The following PEPD variants were observed in gnomAD, a reference collection of about 807,000 sequenced individuals.
PEPD encodes xaa-Pro dipeptidase.
Under a neutral mutation model 60.7 loss-of-function variants are expected in PEPD, and 53 were observed. The ratio of observed to expected loss-of-function variants is 0.87; its 90% CI spans 0.70 to 1.10. The LOEUF is 1.10. Among genes scored for constraint, PEPD ranks in the 50% least tolerant of loss-of-function variants. The probability of loss-of-function intolerance (pLI) is 0.00; values close to 1 mark genes in which losing one functional copy is unlikely to be tolerated. For missense variants in PEPD, 711 were observed against 711.9 expected, an observed-to-expected ratio of 1.00 and a Z score of 0.01; for synonymous variants, 267 against 284.1, an observed-to-expected ratio of 0.94 and a Z score of 0.60.
At chr19:33,485,715 C>T (rs545242171) in intron 6 of PEPD, among the ~76,000 whole-genome samples, 13 of 152,236 alleles carry the variant, frequency 8.5e-5, no homozygotes, top group Admixed American at 6.5e-4. Flanking sequence ...TAACTGCTTG[C>T]TTAAATGGAA....
At chr19:33,411,770 G>A (rs368012484) in intron 10 of PEPD, 21 bp from the exon 11 acceptor site, 6 of 1,507,424 alleles carry the variant, frequency 4.0e-6, no homozygotes, top group Non-Finnish European at 5.5e-6. Flanking sequence ...CCGGGGGAGG[G>A]TGATCAAAGC....
intron 7 of PEPD, among the ~76,000 whole-genome samples, chr19:33,474,590 A>C (rs1970182527): frequency 6.6e-6 from 1 of 152,164 alleles, no homozygotes; most frequent in African/African-American, 2.4e-5. Context: ...GGGCTGAGGC[A>C]CAAGAATCAC....
chr19:33,408,537 G>A (rs761372929), intron 11 of PEPD, among the ~76,000 whole-genome samples: 1 of 152,180 alleles, frequency 6.6e-6, no homozygotes, highest in Non-Finnish European at 1.5e-5. Context: ...GAAAAGGCTG[G>A]CCTCCTCTTA....
At chr19:33,471,844 A>AG (rs1210848239) in intron 7 of PEPD, among the ~76,000 whole-genome samples, 1 of 151,866 alleles carries the variant, frequency 6.6e-6, no homozygotes, top group African/African-American at 2.4e-5. Context: ...CACAGTGATA[A>AG]CCTGTGTCTA....
intron 9 of PEPD, among the ~76,000 whole-genome samples, chr19:33,437,497 G>C (rs1969400928): frequency 6.6e-6 from 1 of 151,916 alleles, no homozygotes; most frequent in East Asian, 1.9e-4. Flanking sequence ...CACGGGGGCA[G>C]GCCTGGGAGA....
intron 3 of PEPD, among the ~76,000 whole-genome samples, chr19:33,503,359 C>CT (rs1970745663): frequency 6.6e-6 from 1 of 152,206 alleles, no homozygotes; most frequent in Admixed American, 6.5e-5. Context: ...TATCAAGCTC[C>CT]TGCTGTTAAT....
At chr19:33,408,612 C>A (rs1425990732) in intron 11 of PEPD, among the ~76,000 whole-genome samples, 3 of 152,218 alleles carry the variant, frequency 2.0e-5, no homozygotes, top group Non-Finnish European at 4.4e-5. Flanking sequence ...TCTGATTCCC[C>A]ACAAAATCCC....
chr19:33,504,019 G>A (rs1209375887), intron 3 of PEPD, among the ~76,000 whole-genome samples: 1 of 152,158 alleles, frequency 6.6e-6, no homozygotes, highest in African/African-American at 2.4e-5. Flanking sequence ...CAGAGGTCTG[G>A]TTCTCAACAG....
rs369684750 is a variant in PEPD, at chr19:33,485,606, A to T, written c.503+4390T>A. Among the ~76,000 whole-genome samples, 72 of 152,184 alleles carry T rather than the reference A, an allele frequency of 4.7e-4. No individual in the cohort carries two copies. The Middle Eastern group carries it at 0.017, about 36-fold the overall frequency. On this transcript the variant is annotated intron_variant, in intron 6 of 14. Coordinates refer to ENST00000244137, the MANE Select transcript of PEPD (RefSeq NM_000285.4). ...GATTGGTATTTTGCTGTAATCGTCAAGTTTTAATAATGTCCCTCTACTTCC... is the reference window on the plus strand; with the variant it reads ...GATTGGTATTTTGCTGTAATCGTCATGTTTTAATAATGTCCCTCTACTTCC...
chr19:33,519,581 G>A (rs1416543200), intron 1 of PEPD, among the ~76,000 whole-genome samples: 1 of 152,210 alleles, frequency 6.6e-6, no homozygotes, highest in Non-Finnish European at 1.5e-5. Context: ...GAAGCCACTG[G>A]GGTCAACCTC....
chr19:33,429,537 AGT>A (rs1229215282), intron 9 of PEPD, among the ~76,000 whole-genome samples: 1 of 152,264 alleles, frequency 6.6e-6, no homozygotes, highest in African/African-American at 2.4e-5. Context: ...TATACACAGC[AGT>A]GTTTGAAATA....
chr19:33,411,667 C>G lies in PEPD; in HGVS notation c.818+5G>C. The G allele has an allele frequency of 6.3e-7, 1 of 1,577,904 alleles. No individual in the cohort carries two copies. The highest frequency in any genetic ancestry group is 1.3e-5 in the African/African-American group (1 of 74,300). On this transcript the variant is annotated splice_donor_5th_base_variant and intron_variant, in intron 11 of 14. Transcript: ENST00000244137. Reference sequence around the variant, plus strand: ...CACAGAGCCAGGGCCGCTGGCCCTACTTACCACATATCCCCATTCTGGATC... The same window carrying G: ...CACAGAGCCAGGGCCGCTGGCCCTAGTTACCACATATCCCCATTCTGGATC...
intron 6 of PEPD, among the ~76,000 whole-genome samples, chr19:33,487,906 T>A (rs1970427577): frequency 9.9e-5 from 15 of 151,950 alleles, no homozygotes; most frequent in Admixed American, 9.8e-4. Context: ...ACGAGACCTT[T>A]GCTTCCTGAC....
At chr19:33,400,402 G>A (rs1968460688) in intron 12 of PEPD, among the ~76,000 whole-genome samples, 1 of 152,360 alleles carries the variant, frequency 6.6e-6, no homozygotes, top group Middle Eastern at 3.4e-3. Context: ...CCACCTCTGT[G>A]AATTTGTGGC....
chr19:33,439,314 G>GCCCCC (rs1969440059), intron 9 of PEPD, among the ~76,000 whole-genome samples: 2 of 152,228 alleles, frequency 1.3e-5, no homozygotes, highest in Non-Finnish European at 2.9e-5. Context: ...CTGGGCACCT[G>GCCCCC]AGCCGAGGGG....
intron 9 of PEPD, among the ~76,000 whole-genome samples, chr19:33,420,924 C>A (rs1297950598): frequency 1.3e-5 from 2 of 152,104 alleles, no homozygotes; most frequent in Non-Finnish European, 1.5e-5. Flanking sequence ...GATTAGTTTG[C>A]CTATTTTTTA....
chr19:33,410,904 G>T (rs1041585938), intron 11 of PEPD, among the ~76,000 whole-genome samples: 1 of 152,126 alleles, frequency 6.6e-6, no homozygotes, highest in African/African-American at 2.4e-5. Flanking sequence ...GACATCTGAC[G>T]TGCAGGGCAC....
At chr19:33,464,546 T>G (rs1487920728) in intron 7 of PEPD, among the ~76,000 whole-genome samples, 1 of 151,918 alleles carries the variant, frequency 6.6e-6, no homozygotes, top group East Asian at 1.9e-4. Context: ...GGTGACAGGG[T>G]CAGGTGAAGG....
intron 10 of PEPD, among the ~76,000 whole-genome samples, 191 bp downstream of exon 10, chr19:33,413,384 G>A (rs1968819657): frequency 6.6e-6 from 1 of 152,212 alleles, no homozygotes; most frequent in South Asian, 2.1e-4. Context: ...GCCAGGTCCT[G>A]CAGGCAGAGG....
Sources: allele counts gnomAD v4.1 joint callset (sites outside exome capture counted in the v4.1 genomes callset), GRCh38; gene constraint gnomAD v4.1.1; transcripts MANE v1.5; gene names NCBI Gene and HGNC (gene_info 2026-07-23, HGNC 2026-07-21).